The following ZNF236 variants were observed in gnomAD, a reference collection of about 807,000 sequenced individuals.
ZNF236 encodes the protein zinc finger protein 236, also known as regulated by glucose.
Under a neutral mutation model 191.2 loss-of-function variants are expected in ZNF236, and 50 were observed. The ratio of observed to expected loss-of-function variants is 0.26; its 90% confidence interval spans 0.21 to 0.33. The LOEUF is 0.33. Ranked by LOEUF, ZNF236 falls within the 10% of genes least tolerant of loss-of-function variation. ZNF236 has a pLI of 1.00. For synonymous variants in ZNF236, 907 were observed against 928.8 expected (o/e 0.98, Z 0.43); for missense variants, 1,754 against 2,374.5 (o/e 0.74, Z 5.43).
intron 26 of ZNF236, among the ~76,000 whole-genome samples, chr18:76,944,023 G>A (rs1968200775): frequency 2.0e-5 from 3 of 152,292 alleles, no homozygotes; most frequent in African/African-American, 7.2e-5. Context: ...TGCATAGAAT[G>A]CCTTTCATCA....
intron 3 of ZNF236, among the ~76,000 whole-genome samples, chr18:76,858,196 T>C (rs1397902002): frequency 6.6e-6 from 1 of 151,970 alleles, no homozygotes; most frequent in African/African-American, 2.4e-5. Context: ...AAATCACCCT[T>C]ATATCATTTA....
chr18:76,885,000 G>C (rs1977006987), intron 9 of ZNF236: 1 of 152,116 alleles, frequency 6.6e-6, no homozygotes. Flanking sequence ...AGTGTGAATG[G>C]CACACAAAAA....
At position 76,880,223 on chromosome 18, in the gene ZNF236, G is replaced by A. The variant is rs1342665414; in HGVS notation, c.1095G>A (p.Glu365=). The A allele has an allele frequency of 1.9e-6, 3 of 1,614,134 alleles. No homozygotes were observed. Among genetic ancestry groups the A allele is most frequent in the Non-Finnish European group, 8.5e-7 (1 of 1,180,014 alleles). Residue 365 remains glutamate (E), a synonymous_variant, in exon 8 of 31, where the codon GAG becomes GAA. Transcript: ENST00000320610. The surrounding 1 kb of genome is among the most constrained non-coding windows in gnomAD (Gnocchi z 5.0). ...GCGACGTCATCCAGCAGCTCCTGGA[G>A]CTCTCAGAGCCGGCGCCGGTGGAGT... ...AVSDVIQQLL[E]LSEPAPVESG... is the part of the protein sequence containing the mutation.
At chr18:76,871,669 A>T (rs751889422) in intron 4 of ZNF236, 32 bp from the exon 5 acceptor site, 1 of 1,613,180 alleles carries the variant, frequency 6.2e-7, no homozygotes, top group Non-Finnish European at 8.5e-7. Context: ...GAGACATCTT[A>T]CTGTGTATTT....
At chr18:76,966,026 C>T (rs2122980966) in intron 30 of ZNF236, among the ~76,000 whole-genome samples, 1 of 152,278 alleles carries the variant, frequency 6.6e-6, no homozygotes, top group South Asian at 2.1e-4. Context: ...CTAGGCGTGT[C>T]TGAGCTCAGA....
At chr18:76,967,845 T>C (rs1968822819) in intron 30 of ZNF236, among the ~76,000 whole-genome samples, 1 of 152,014 alleles carries the variant, frequency 6.6e-6, no homozygotes, top group Admixed American at 6.6e-5. Flanking sequence ...GGGGAGTTTT[T>C]GAGGAAGGAA....
At chr18:76,926,402 G>A (rs547926085) in intron 22 of ZNF236, among the ~76,000 whole-genome samples, 1 of 152,178 alleles carries the variant, frequency 6.6e-6, no homozygotes, top group Admixed American at 6.5e-5. Context: ...GTTGTTCTGG[G>A]GTGATTAGAC....
At chr18:76,889,595 G>A (rs1204318903) in intron 9 of ZNF236, among the ~76,000 whole-genome samples, 2 of 152,226 alleles carry the variant, frequency 1.3e-5, no homozygotes, top group Non-Finnish European at 1.5e-5. Flanking sequence ...TGTAAGGTGG[G>A]ACTAAGGATA....
intron 1 of ZNF236, among the ~76,000 whole-genome samples, chr18:76,843,112 GT>G (rs567351870): frequency 6.6e-6 from 1 of 152,286 alleles, no homozygotes; most frequent in Non-Finnish European, 1.5e-5. Context: ...GCCCAGGTAT[GT>G]GTGTATAAAA....
At chr18:76,873,711 G>T (rs951660489) in intron 5 of ZNF236, among the ~76,000 whole-genome samples, 2 of 152,226 alleles carry the variant, frequency 1.3e-5, no homozygotes, top group African/African-American at 4.8e-5. Context: ...GTACATTGCA[G>T]CATCGTCATC....
chr18:76,840,408 C>T (rs747303496), intron 1 of ZNF236, among the ~76,000 whole-genome samples: 1 of 151,906 alleles, frequency 6.6e-6, no homozygotes, highest in Non-Finnish European at 1.5e-5. Flanking sequence ...GCAGGAGAAT[C>T]GCTTGAACCC....
intron 1 of ZNF236, chr18:76,834,978 GT>G (rs35789549): frequency 0.015 from 2,218 of 145,592 alleles, 42 homozygotes; most frequent in African/African-American, 0.049. Flanking sequence ...TTTATTTTCT[GT>G]TTTTTTTTTT....
intron 30 of ZNF236, among the ~76,000 whole-genome samples, chr18:76,965,675 G>A (rs907364761): frequency 6.6e-6 from 1 of 152,350 alleles, no homozygotes; most frequent in Non-Finnish European, 1.5e-5. Flanking sequence ...TAGCCGCCCA[G>A]CAAGTCCACC....
At chr18:76,881,787 T>G (rs1453211371) in intron 9 of ZNF236, among the ~76,000 whole-genome samples, 1 of 152,238 alleles carries the variant, frequency 6.6e-6, no homozygotes, top group Non-Finnish European at 1.5e-5. Flanking sequence ...TCTGTTCTCT[T>G]GAAAGCTTGT....
rs779902122 is a variant in ZNF236 at position 76,925,367 on chromosome 18, A to G, written c.3840A>G (p.Pro1280=). Residue 1280 remains proline (P), a synonymous_variant, in exon 22 of 31, where the codon CCA becomes CCG. Transcript: ENST00000320610. The surrounding 1 kb of genome is among the most constrained non-coding windows in gnomAD (Gnocchi z 5.7). Reference sequence around the variant, plus strand: ...TGCAGTTTCATTATAAACCAGACCCAAAGAAGGCCAGAAAGCCTATGACTC... The same window carrying G: ...TGCAGTTTCATTATAAACCAGACCCGAAGAAGGCCAGAAAGCCTATGACTC... ...THMQFHYKPD[P]KKARKPMTRS... 44 of 1,614,174 alleles carry G rather than the reference A, an allele frequency of 2.7e-5. 1 individual carries two copies. In the Middle Eastern group the frequency reaches 4.3e-3, roughly 157 times the overall value.
At chr18:76,834,489 G>T (rs1975262960) in intron 1 of ZNF236, 1 of 423,316 alleles carries the variant, frequency 2.4e-6, no homozygotes, top group East Asian at 6.0e-5. Context: ...TTTCTACTTG[G>T]CGAGATTTGG....
At chr18:76,839,657 C>G in intron 1 of ZNF236, among the ~76,000 whole-genome samples, 1 of 152,138 alleles carries the variant, frequency 6.6e-6, no homozygotes, top group East Asian at 1.9e-4. Context: ...TTCCCAGTCT[C>G]TGCTGTGTAT....
intron 1 of ZNF236, among the ~76,000 whole-genome samples, chr18:76,838,554 T>C (rs1189557510): frequency 6.6e-6 from 1 of 152,202 alleles, no homozygotes; most frequent in African/African-American, 2.4e-5. Context: ...GTAAATGTTT[T>C]AGGCTTTGTA....
rs998842215 is a variant in ZNF236 at position 76,972,288 on chromosome 18, C to T, written c.*3949C>T. 2.6e-5 allele frequency among the ~76,000 whole-genome samples: 4 copies of T among 152,226 alleles called. No individual in the cohort carries two copies. The highest frequency in any genetic ancestry group is 4.4e-5 in the Non-Finnish European group (3 of 68,046). On this transcript the variant is annotated 3_prime_UTR_variant, in exon 31 of 31. Coordinates refer to ENST00000320610, the MANE Select transcript of ZNF236 (RefSeq NM_001306089.2). The stretch of plus-strand genomic sequence containing the variant: ...CACAGAGCTTTTCGTGGGCCAGATG[C>T]CCACATATTCCTAGCAGAGACATGT...
Sources: gnomAD v4.1 joint callset for allele counts (sites outside exome capture counted in the v4.1 genomes callset) on GRCh38, gnomAD v4.1.1 for gene constraint, Gnocchi (gnomAD v3.1) non-coding constraint, MANE v1.5 for transcripts, NCBI Gene and HGNC (gene_info 2026-07-23, HGNC 2026-07-21) for gene names.